CLVS1: variants seen among roughly 807,000 people sequenced by gnomAD.
The protein encoded by CLVS1 is clavesin 1.
CLVS1 carries 10 observed loss-of-function variants against 33.1 expected under a neutral mutation model. That is an observed-to-expected ratio of 0.30 (90% confidence interval 0.19 to 0.51). The LOEUF (loss-of-function observed/expected upper bound fraction) is 0.51. Among genes scored for constraint, CLVS1 ranks in the 20% least tolerant of loss-of-function variants. CLVS1 has a pLI of 0.97. For missense variants in CLVS1, 343 were observed against 433.4 expected (o/e 0.79, Z 1.85); for synonymous variants, 163 against 166.1 (o/e 0.98, Z 0.14).
intron 2 of CLVS1, among the ~76,000 whole-genome samples, chr8:61,153,796 G>T (rs1300051887): frequency 6.6e-6 from 1 of 152,098 alleles, no homozygotes; most frequent in Admixed American, 6.6e-5. Context: ...TGCTTGTCCT[G>T]GGTCTCAGGT....
the CLVS1 span, among the ~76,000 whole-genome samples, chr8:60,970,855 A>C: frequency 1.3e-5 from 2 of 151,982 alleles, no homozygotes; most frequent in African/African-American, 4.8e-5. Flanking sequence ...TTGGAACTCT[A>C]TTATTTGGAT....
At chr8:61,206,135 T>C (rs1272230683) in intron 2 of CLVS1, among the ~76,000 whole-genome samples, 1 of 152,238 alleles carries the variant, frequency 6.6e-6, no homozygotes, top group Non-Finnish European at 1.5e-5. Flanking sequence ...AATGATCACC[T>C]ACCATTTACC....
At chr8:61,451,632 G>T (rs919126741) in intron 3 of CLVS1, among the ~76,000 whole-genome samples, 6 of 152,096 alleles carry the variant, frequency 3.9e-5, no homozygotes, top group African/African-American at 1.4e-4. Flanking sequence ...TTCCAGGAGG[G>T]CGGTAGGCCT....
At chr8:61,215,713 TG>T in intron 2 of CLVS1, among the ~76,000 whole-genome samples, 1 of 150,974 alleles carries the variant, frequency 6.6e-6, no homozygotes, top group Non-Finnish European at 1.5e-5. Context: ...TGTGTGTGTG[TG>T]TGTGTGTGTG....
chr8:61,192,805 C>A (rs540883946), intron 2 of CLVS1, among the ~76,000 whole-genome samples: 63 of 152,252 alleles, frequency 4.1e-4, no homozygotes, highest in Non-Finnish European at 7.2e-4. Context: ...AAATGCAAAT[C>A]AAAACGACAA....
intron 1 of CLVS1, among the ~76,000 whole-genome samples, chr8:61,114,776 T>G (rs1390210269): frequency 6.6e-6 from 1 of 152,230 alleles, no homozygotes; most frequent in Non-Finnish European, 1.5e-5. Flanking sequence ...TTCTCAAATC[T>G]CAGGTTTCAT....
chr8:61,405,316 G>A (rs1814943673), intron 3 of CLVS1, among the ~76,000 whole-genome samples: 1 of 152,114 alleles, frequency 6.6e-6, no homozygotes, highest in African/African-American at 2.4e-5. Context: ...TTGCCCTTTA[G>A]TCATTCTTTC....
intron 2 of CLVS1, among the ~76,000 whole-genome samples, chr8:61,214,872 T>C (rs1054975148): frequency 6.6e-6 from 1 of 152,212 alleles, no homozygotes. Flanking sequence ...TTAACTGGCA[T>C]TCTGGTTAAT....
At chr8:61,256,845 A>G (rs1809094188) in intron 2 of CLVS1, among the ~76,000 whole-genome samples, 1 of 152,198 alleles carries the variant, frequency 6.6e-6, no homozygotes, top group Admixed American at 6.5e-5. Flanking sequence ...GAGCCTTGCC[A>G]TGTCATGCAG....
chr8:61,499,612 C>G lies in CLVS1; in HGVS notation c.*70C>G. 1 of 1,103,634 alleles carries G rather than the reference C, an allele frequency of 9.1e-7. No homozygotes were observed. The highest frequency in any genetic ancestry group is 1.4e-6 in the Non-Finnish European group (1 of 720,080). The allele number at this position is 1,103,634 out of a possible 1,614,324, so 68.4% of individuals were successfully genotyped here. Reference sequence around the variant, plus strand: ...ATCAGCCACCCAGGAAGCACATGCACAACTGACCCATGCAGACACGTGTGT... The same window carrying G: ...ATCAGCCACCCAGGAAGCACATGCAGAACTGACCCATGCAGACACGTGTGT... On this transcript the variant is annotated 3_prime_UTR_variant, in exon 6 of 6. Transcript: ENST00000325897.
At chr8:61,467,635 T>G (rs1817594060) in intron 5 of CLVS1, among the ~76,000 whole-genome samples, 1 of 152,114 alleles carries the variant, frequency 6.6e-6, no homozygotes, top group South Asian at 2.1e-4. Context: ...ATATCGAAAC[T>G]GTATATCCCC....
At chr8:61,460,989 G>A (rs1817346985) in intron 5 of CLVS1, among the ~76,000 whole-genome samples, 1 of 152,178 alleles carries the variant, frequency 6.6e-6, no homozygotes. Flanking sequence ...GAGCACAATG[G>A]TTTTGGCACC....
intron 2 of CLVS1, among the ~76,000 whole-genome samples, chr8:61,223,923 C>A (rs950608935): frequency 2.2e-4 from 34 of 151,854 alleles, no homozygotes; most frequent in African/African-American, 8.2e-4. Flanking sequence ...GTGAGGTGGT[C>A]TTCAAACTCT....
At chr8:61,149,551 C>CAAAAAAAAAAAAAAAAAAA (rs1166606940) in intron 2 of CLVS1, among the ~76,000 whole-genome samples, 56 of 51,902 alleles carry the variant, frequency 1.1e-3, no homozygotes, top group Admixed American at 2.9e-3. Flanking sequence ...GACTCTGTCT[C>CAAAAAAAAAAAAAAAAAAA]AAAAAAAAAA....
At chr8:61,013,462 T>C in the CLVS1 span, among the ~76,000 whole-genome samples, 1 of 152,252 alleles carries the variant, frequency 6.6e-6, no homozygotes, top group South Asian at 2.1e-4. Context: ...ATCTCTCCCC[T>C]CTCATGCTCT....
At chr8:61,497,665 T>C (rs1804315317) in intron 5 of CLVS1, among the ~76,000 whole-genome samples, 2 of 152,186 alleles carry the variant, frequency 1.3e-5, no homozygotes. Context: ...GAGGGGTTCT[T>C]GGATCTCATG....
intron 3 of CLVS1, among the ~76,000 whole-genome samples, chr8:61,401,761 C>T (rs763745251): frequency 3.7e-4 from 56 of 152,176 alleles, no homozygotes; most frequent in Non-Finnish European, 5.4e-4. Context: ...CCACGACAAT[C>T]CTAAGTAAAA....
At chr8:61,313,132 GC>G (rs1196257595) in intron 2 of CLVS1, among the ~76,000 whole-genome samples, 2 of 152,062 alleles carry the variant, frequency 1.3e-5, no homozygotes, top group Non-Finnish European at 2.9e-5. Context: ...GGGGAAAATG[GC>G]CCTACATGAG....
chr8:61,470,170 G>A (rs1277508741), intron 5 of CLVS1, among the ~76,000 whole-genome samples: 1 of 152,180 alleles, frequency 6.6e-6, no homozygotes, highest in Non-Finnish European at 1.5e-5. Flanking sequence ...CTTTTCTGTG[G>A]CATAAATGAA....
Sources: gnomAD v4.1 joint callset for allele counts (sites outside exome capture counted in the v4.1 genomes callset) on GRCh38, gnomAD v4.1.1 for gene constraint, MANE v1.5 for transcripts, NCBI Gene and HGNC (gene_info 2026-07-23, HGNC 2026-07-21) for gene names.